Variants in PDIA3 observed in about 807,000 individuals in gnomAD.
The protein encoded by PDIA3 is protein disulfide isomerase family A member 3.
In PDIA3, 16 loss-of-function variants were observed where a neutral mutation model predicts 56.9. The observed-to-expected ratio is 0.28, with a 90% confidence interval of 0.19 to 0.43. The LOEUF (loss-of-function observed/expected upper bound fraction) is 0.43. Among genes scored for constraint, PDIA3 ranks in the 20% least tolerant of loss-of-function variants. The probability of loss-of-function intolerance (pLI) is 1.00; values close to 1 mark genes in which losing one functional copy is unlikely to be tolerated. For synonymous variants in PDIA3, 192 were observed against 216.5 expected, an observed-to-expected ratio of 0.89 and a Z score of 0.99; for missense variants, 485 against 621.3, an observed-to-expected ratio of 0.78 and a Z score of 2.33.
intron 3 of PDIA3, among the ~76,000 whole-genome samples, chr15:43,757,429 G>A (rs1253840385): frequency 2.0e-5 from 3 of 151,446 alleles, no homozygotes; most frequent in African/African-American, 7.3e-5. Context: ...GTGGTGGCGG[G>A]CGCCTGTAGT....
intron 1 of PDIA3, among the ~76,000 whole-genome samples, chr15:43,747,400 C>A (rs1211999096): frequency 6.6e-6 from 1 of 152,072 alleles, no homozygotes; most frequent in African/African-American, 2.4e-5. Flanking sequence ...AAAAAAGACT[C>A]CAATGAGAAA....
intron 1 of PDIA3, chr15:43,751,485 T>C: frequency 1.4e-6 from 1 of 696,070 alleles, no homozygotes; most frequent in Non-Finnish European, 2.2e-6. Context: ...ATAGAATTAA[T>C]TGTGTTTTAA....
chr15:43,761,525 A>C lies in PDIA3; in HGVS notation c.466A>C (p.Ile156Leu). 1 of 1,454,652 alleles carries C rather than the reference A, an allele frequency of 6.9e-7. No individual in the cohort carries two copies. The highest frequency in any genetic ancestry group is 9.6e-7 in the Non-Finnish European group (1 of 1,040,096). The allele number at this position is 1,454,652 out of a possible 1,614,324, so 90.1% of individuals were successfully genotyped here. A position where few individuals can be genotyped will look rare whatever the true frequency, so the allele number is the denominator to read the frequency against. The stretch of plus-strand genomic sequence containing the variant: ...ATTCATTAGTGATAAAGATGCCTCT[A>C]TAGTAGGTAAGTAGCAAATATTAAA... ...KKFISDKDAS[I>L]VGFFDDSFSE... Residue 156 changes from isoleucine (I) to leucine (L), a missense_variant, in exon 4 of 13, where the codon ATA (isoleucine) becomes CTA (leucine). Ile to Leu is a conservative substitution (Grantham distance 5). Coordinates refer to ENST00000300289, the MANE Select transcript of PDIA3 (RefSeq NM_005313.5).
chr15:43,770,426 C>T (rs2086874100), intron 11 of PDIA3, 97 bp downstream of exon 11: 1 of 1,341,106 alleles, frequency 7.5e-7, no homozygotes, highest in Non-Finnish European at 1.1e-6. Flanking sequence ...TTTTCATATT[C>T]AGTTGAAGGC....
At chr15:43,758,920 C>T (rs1047479491) in intron 3 of PDIA3, among the ~76,000 whole-genome samples, 15 of 149,722 alleles carry the variant, frequency 1.0e-4, no homozygotes, top group African/African-American at 2.2e-4. Context: ...GAGGTTGCAG[C>T]GAGCTGAGAT....
At chr15:43,757,283 G>A (rs1235538363) in intron 3 of PDIA3, among the ~76,000 whole-genome samples, 1 of 152,186 alleles carries the variant, frequency 6.6e-6, no homozygotes, top group East Asian at 1.9e-4. Flanking sequence ...CCGGGGCCGG[G>A]TGCGGTGGCT....
intron 7 of PDIA3, 121 bp downstream of exon 7, chr15:43,766,133 G>GA (rs2086846419): frequency 4.5e-6 from 2 of 445,260 alleles, no homozygotes; most frequent in Non-Finnish European, 6.9e-6. Flanking sequence ...TTAAGAAGAG[G>GA]TAAAAAAAAA....
intron 10 of PDIA3, 35 bp downstream of exon 10, chr15:43,769,681 A>C: frequency 6.2e-7 from 1 of 1,607,206 alleles, no homozygotes; most frequent in African/African-American, 1.3e-5. Context: ...ATAACATTTG[A>C]GCGGGAGCAG....
intron 9 of PDIA3, 78 bp from the exon 10 acceptor site, chr15:43,769,440 G>T: frequency 1.5e-6 from 2 of 1,336,960 alleles, no homozygotes; most frequent in Non-Finnish European, 2.1e-6. Context: ...AATTAGAGAG[G>T]GATTGGGTCT....
Position 43,754,712 on chromosome 15 carries a change from T to TAA in PDIA3, c.246+825_246+826dup, listed in dbSNP as rs575346705. Among the ~76,000 whole-genome samples, 35 of 138,300 alleles carry TAA rather than the reference T, an allele frequency of 2.5e-4. No individual in the cohort carries two copies. The South Asian group carries it at 6.0e-3, about 24-fold the overall frequency. The allele number at this position is 138,300 out of a possible 152,430, so 90.7% of individuals were successfully genotyped here. A position where few individuals can be genotyped will look rare whatever the true frequency, so the allele number is the denominator to read the frequency against. ...GGTGACAGAGTAAGACCCTGTCTCT[T>TAA]AAAAAAAAAAAAAAAAGTGTAATCC... On this transcript the variant is annotated intron_variant, in intron 2 of 12. Transcript: ENST00000300289.
intron 1 of PDIA3, among the ~76,000 whole-genome samples, chr15:43,750,669 G>C (rs1219813402): frequency 6.6e-6 from 1 of 151,856 alleles, no homozygotes; most frequent in African/African-American, 2.4e-5. Flanking sequence ...CAGCTACTCG[G>C]GAGGCTGAGG....
intron 12 of PDIA3, 45 bp from the exon 13 acceptor site, chr15:43,771,060 G>T (rs768234822): frequency 7.5e-7 from 1 of 1,330,010 alleles, no homozygotes; most frequent in Non-Finnish European, 1.1e-6. Flanking sequence ...GCAGATCAGG[G>T]TTCTTTAAAA....
chr15:43,754,638 G>A (rs886628768), intron 2 of PDIA3, among the ~76,000 whole-genome samples: 5 of 151,400 alleles, frequency 3.3e-5, no homozygotes, highest in African/African-American at 9.7e-5. Context: ...CAGGAGGATT[G>A]CTTGAGGCTG....
In PDIA3 at chr15:43,771,333, A is replaced by G; in HGVS notation, c.*115A>G. On this transcript the variant is annotated 3_prime_UTR_variant, in exon 13 of 13. Transcript: ENST00000300289. The stretch of plus-strand genomic sequence containing the variant: ...TACCTCTCAGGGCCGAGAGGACAGA[A>G]TGGATATAATCTGAATCCTGTTAAA... 2 of 640,522 alleles carry G rather than the reference A, an allele frequency of 3.1e-6. No homozygotes were observed. The highest frequency in any genetic ancestry group is 5.5e-6 in the Non-Finnish European group (2 of 364,548). 39.7% of individuals were successfully genotyped at this position (640,522 alleles called of 1,614,324 possible). A position where few individuals can be genotyped will look rare whatever the true frequency, so the allele number is the denominator to read the frequency against.
intron 10 of PDIA3, among the ~76,000 whole-genome samples, 191 bp downstream of exon 10, chr15:43,769,837 T>A (rs1026717173): frequency 2.0e-5 from 3 of 152,228 alleles, no homozygotes; most frequent in Admixed American, 6.5e-5. Flanking sequence ...ATACCCACTT[T>A]TAACATTCCA....
intron 4 of PDIA3, among the ~76,000 whole-genome samples, chr15:43,762,064 G>A (rs1596022801): frequency 1.3e-5 from 2 of 152,206 alleles, no homozygotes; most frequent in Middle Eastern, 3.4e-3. Flanking sequence ...GCAGTATCTC[G>A]TTTTTAAATG....
At chr15:43,762,969 CAAAAT>C in intron 4 of PDIA3, 103 bp from the exon 5 acceptor site, 1 of 1,154,686 alleles carries the variant, frequency 8.7e-7, no homozygotes, top group Non-Finnish European at 1.2e-6. Flanking sequence ...ACCCAGTCCT[CAAAAT>C]AGAATGAAAT....
chr15:43,758,913 G>C (rs2086796772), intron 3 of PDIA3, among the ~76,000 whole-genome samples: 1 of 151,680 alleles, frequency 6.6e-6, no homozygotes, highest in African/African-American at 2.4e-5. Context: ...GAAGGTGGAG[G>C]TTGCAGCGAG....
intron 12 of PDIA3, 93 bp from the exon 13 acceptor site, chr15:43,771,012 T>A: frequency 1.3e-6 from 1 of 776,210 alleles, no homozygotes; most frequent in Non-Finnish European, 2.2e-6. Flanking sequence ...GCTGCTAATA[T>A]GCTTTTACAA....
Sources: allele counts gnomAD v4.1 joint callset (sites outside exome capture counted in the v4.1 genomes callset), GRCh38; gene constraint gnomAD v4.1.1; transcripts MANE v1.5; gene names NCBI Gene and HGNC (gene_info 2026-07-23, HGNC 2026-07-21).